The following TMTC1 variants were observed in gnomAD, a reference collection of about 807,000 sequenced individuals.
TMTC1 encodes the protein protein O-mannosyl-transferase TMTC1.
In TMTC1, 73 loss-of-function variants were observed where a neutral mutation model predicts 104.8. That is an observed-to-expected ratio of 0.70 (90% CI 0.58 to 0.85). The LOEUF is 0.85. Ranked by LOEUF, TMTC1 falls within the 40% of genes least tolerant of loss-of-function variation. The pLI, the probability that TMTC1 is intolerant of heterozygous loss-of-function variation, is 0.00. For synonymous variants in TMTC1, 434 were observed against 428.7 expected (o/e 1.01, Z -0.15); for missense variants, 1,035 against 1,096.1 (o/e 0.94, Z 0.79).
Position 29,604,306 on chromosome 12 carries a change from C to T in TMTC1, c.1129-7G>A, listed in dbSNP as rs763026032. 4.3e-6 allele frequency: 7 copies of T among 1,613,670 alleles called. No individual in the cohort carries two copies. In the South Asian group the frequency reaches 6.6e-5, roughly 15 times the overall value. On this transcript the variant is annotated splice_polypyrimidine_tract_variant and splice_region_variant and intron_variant, in intron 6 of 17. Coordinates refer to ENST00000539277, the MANE Select transcript of TMTC1 (RefSeq NM_001193451.2). ...CCTCCTTGTGCTCCAGTCTCTGAAA[C>T]ACACAATAGTGAAGGAAACATTAAC...
rs889194784 is a variant in TMTC1 at position 29,761,411 on chromosome 12, A to T, written c.481-2634T>A. Among the ~76,000 whole-genome samples, 22 of 152,116 alleles carry T rather than the reference A, an allele frequency of 1.4e-4. 1 individual carries two copies. The highest frequency in any genetic ancestry group is 1.5e-5 in the Non-Finnish European group (1 of 68,018). ...TAAAACAAATGTGAGAAAATGTGAA[A>T]AATTAGTGACTCTGGATAGAAAGTA... On this transcript the variant is annotated intron_variant, in intron 2 of 17. Transcript: ENST00000539277.
At chr12:29,629,851 G>A (rs1938205850) in intron 6 of TMTC1, among the ~76,000 whole-genome samples, 1 of 152,124 alleles carries the variant, frequency 6.6e-6, no homozygotes. Context: ...TTAAAAAGAT[G>A]TTTTAATCAT....
chr12:29,752,390 G>A (rs1381961722), intron 4 of TMTC1, among the ~76,000 whole-genome samples: 9 of 152,124 alleles, frequency 5.9e-5, no homozygotes, highest in Admixed American at 3.9e-4. Flanking sequence ...ACCAAGGGAT[G>A]ATCAGAAAGT....
intron 8 of TMTC1, among the ~76,000 whole-genome samples, chr12:29,576,802 G>GA (rs1031117043): frequency 3.0e-4 from 45 of 151,928 alleles, no homozygotes; most frequent in African/African-American, 5.1e-4. Flanking sequence ...ATACAAAAAA[G>GA]AAAAAACAGG....
intron 9 of TMTC1, 74 bp from the exon 10 acceptor site, chr12:29,557,074 C>T (rs956866945): frequency 1.2e-5 from 18 of 1,531,924 alleles, no homozygotes; most frequent in South Asian, 7.2e-5. Context: ...TGTTCTTCTT[C>T]CCCCAAGTAT....
chr12:29,576,640 T>C (rs898082250), intron 8 of TMTC1, among the ~76,000 whole-genome samples: 3 of 151,820 alleles, frequency 2.0e-5, no homozygotes, highest in African/African-American at 7.3e-5. Context: ...GGAGAGGAAA[T>C]GAAGAGATAT....
At chr12:29,546,628 G>C (rs1343104629) in intron 10 of TMTC1, among the ~76,000 whole-genome samples, 1 of 152,128 alleles carries the variant, frequency 6.6e-6, no homozygotes, top group African/African-American at 2.4e-5. Context: ...AATTGTCTGG[G>C]TAAAGTTGAT....
chr12:29,744,792 G>A (rs149675348), intron 5 of TMTC1, among the ~76,000 whole-genome samples: 1 of 152,328 alleles, frequency 6.6e-6, no homozygotes, highest in African/African-American at 2.4e-5. Context: ...TGGGAAACCA[G>A]CTTGAGTAAG....
At chr12:29,516,515 C>A (rs564998498) in intron 14 of TMTC1, 29 bp from the exon 15 acceptor site, 282 of 1,602,556 alleles carry the variant, frequency 1.8e-4, no homozygotes, top group Non-Finnish European at 2.0e-4. Context: ...CTTGGCTTAG[C>A]AGAGACTTCA....
intron 8 of TMTC1, among the ~76,000 whole-genome samples, chr12:29,574,589 C>G (rs112726721): frequency 6.6e-6 from 1 of 152,124 alleles, no homozygotes; most frequent in Admixed American, 6.6e-5. Context: ...ATGGCTGATT[C>G]GGTTTCTGAT....
At chr12:29,598,285 G>A (rs887510025) in intron 7 of TMTC1, among the ~76,000 whole-genome samples, 5 of 152,176 alleles carry the variant, frequency 3.3e-5, no homozygotes, top group Non-Finnish European at 7.3e-5. Context: ...CATGAGAAGG[G>A]ATCCCCAAAA....
chr12:29,722,416 T>C (rs1942261355), intron 5 of TMTC1, among the ~76,000 whole-genome samples: 1 of 152,200 alleles, frequency 6.6e-6, no homozygotes, highest in Admixed American at 6.5e-5. Context: ...ATGAAATTAC[T>C]TGGTAACCAA....
At chr12:29,533,761 A>T (rs1388313655) in intron 11 of TMTC1, 1 of 152,230 alleles carries the variant, frequency 6.6e-6, no homozygotes, top group African/African-American at 2.4e-5. Context: ...ATGGTAGTCA[A>T]TACACTGTAC....
chr12:29,505,406 C>T lies in TMTC1; in HGVS notation c.*1440G>A, dbSNP rs993635861. 6.6e-6 allele frequency: 1 copy of T among 152,148 alleles called. No individual in the cohort carries two copies. 9.4% of individuals were successfully genotyped at this position (152,148 alleles called of 1,614,324 possible). A position where few individuals can be genotyped will look rare whatever the true frequency, so the allele number is the denominator to read the frequency against. ...AACAGGTGTTCCAATTTCTTCACTT[C>T]CAAAATATACTACTGCCAAAAAACT... On this transcript the variant is annotated 3_prime_UTR_variant, in exon 18 of 18. Coordinates refer to ENST00000539277, the MANE Select transcript of TMTC1 (RefSeq NM_001193451.2).
intron 17 of TMTC1, among the ~76,000 whole-genome samples, chr12:29,510,481 G>C (rs1461298851): frequency 6.6e-6 from 1 of 152,130 alleles, no homozygotes; most frequent in Non-Finnish European, 1.5e-5. Flanking sequence ...TTCCCAGCTA[G>C]ATACTACTGG....
rs1269996478 is a variant in TMTC1, at chr12:29,719,477, G to A, written c.938+32189C>T. 3.9e-5 allele frequency among the ~76,000 whole-genome samples: 6 copies of A among 152,148 alleles called. No homozygotes were observed. In the East Asian group the frequency reaches 1.2e-3, roughly 29 times the overall value. On this transcript the variant is annotated intron_variant, in intron 5 of 17. Transcript: ENST00000539277. ...AAGGTATAAAACCTTATGCTGGCTGGTTTGTGATTATACATCCTCAAGGGA... is the reference window on the plus strand; with the variant it reads ...AAGGTATAAAACCTTATGCTGGCTGATTTGTGATTATACATCCTCAAGGGA...
At chr12:29,735,480 C>A (rs1942648404) in intron 5 of TMTC1, among the ~76,000 whole-genome samples, 1 of 152,148 alleles carries the variant, frequency 6.6e-6, no homozygotes, top group Admixed American at 6.5e-5. Flanking sequence ...ATATAGTAGT[C>A]ACTCAATAAA....
In TMTC1 at chr12:29,506,563, G is replaced by A. The variant is rs1943698113; in HGVS notation, c.*283C>T. The A allele has an allele frequency of 5.5e-6, 2 of 363,960 alleles. No individual in the cohort carries two copies. The highest frequency in any genetic ancestry group is 1.0e-5 in the Non-Finnish European group (2 of 196,822). 22.5% of individuals were successfully genotyped at this position (363,960 alleles called of 1,614,324 possible). The stretch of plus-strand genomic sequence containing the variant: ...TCTCAAAAGCACAGAGATATATCAA[G>A]AGAAATCTGGAGTTAAACCAAACAA... On this transcript the variant is annotated 3_prime_UTR_variant, in exon 18 of 18. Coordinates refer to ENST00000539277, the MANE Select transcript of TMTC1 (RefSeq NM_001193451.2).
intron 5 of TMTC1, among the ~76,000 whole-genome samples, chr12:29,657,240 A>C (rs1939803802): frequency 6.6e-6 from 1 of 152,240 alleles, no homozygotes; most frequent in Non-Finnish European, 1.5e-5. Context: ...AATATATGGC[A>C]AAGTTGGTTT....
Sources: allele counts gnomAD v4.1 joint callset (sites outside exome capture counted in the v4.1 genomes callset), GRCh38; gene constraint gnomAD v4.1.1; transcripts MANE v1.5; gene names NCBI Gene and HGNC (gene_info 2026-07-23, HGNC 2026-07-21).